The following VEPH1 variants were observed in gnomAD, a reference collection of about 807,000 sequenced individuals.
VEPH1 encodes ventricular zone expressed PH domain containing 1.
In VEPH1, 80 loss-of-function variants were observed where a neutral mutation model predicts 85.2. The ratio of observed to expected loss-of-function variants is 0.94; its 90% CI spans 0.78 to 1.13. VEPH1 has a LOEUF of 1.13. VEPH1 is among the 50% of genes most tolerant of loss of function. The probability of loss-of-function intolerance (pLI) is 0.00; values close to 1 mark genes in which losing one functional copy is unlikely to be tolerated. For synonymous variants in VEPH1, 297 were observed against 348.0 expected, an observed-to-expected ratio of 0.85 and a Z score of 1.63; for missense variants, 955 against 980.5, an observed-to-expected ratio of 0.97 and a Z score of 0.35.
intron 11 of VEPH1, among the ~76,000 whole-genome samples, chr3:157,298,658 T>C (rs1292784859): frequency 6.6e-6 from 1 of 152,140 alleles, no homozygotes; most frequent in Non-Finnish European, 1.5e-5. Flanking sequence ...GGCTACAAAG[T>C]AGACTGTCTG....
intron 11 of VEPH1, among the ~76,000 whole-genome samples, chr3:157,290,049 C>G (rs376057093): frequency 2.0e-5 from 1 of 49,690 alleles, no homozygotes; most frequent in African/African-American, 4.8e-5. Context: ...CACACACACA[C>G]ACACACACAC....
chr3:157,435,848 G>C (rs1338745602), intron 4 of VEPH1, among the ~76,000 whole-genome samples: 5 of 152,094 alleles, frequency 3.3e-5, no homozygotes, highest in African/African-American at 1.2e-4. Context: ...TCCTTGCCTC[G>C]AAACCTTGTA....
chr3:157,407,503 T>C (rs1431107563), intron 6 of VEPH1, among the ~76,000 whole-genome samples: 2 of 152,214 alleles, frequency 1.3e-5, no homozygotes, highest in Admixed American at 1.3e-4. Context: ...AAAATTTACA[T>C]ACACCAGTTA....
In VEPH1 at chr3:157,273,241, T is replaced by TAGAAGAA. The variant is rs1227740245; in HGVS notation, c.2129-7580_2129-7579insTTCTTCT. ...CTCCCATTCTTCTATTCAAAATGCC[T>TAGAAGAA]TTATGGTTACCATGCACTAGGCACA... On this transcript the variant is annotated intron_variant, in intron 12 of 13. Coordinates refer to ENST00000362010, the MANE Select transcript of VEPH1 (RefSeq NM_001167912.2). Among the ~76,000 whole-genome samples, 4 of 152,342 alleles carry TAGAAGAA rather than the reference T, an allele frequency of 2.6e-5. No individual in the cohort carries two copies. The East Asian group carries it at 7.7e-4, about 29-fold the overall frequency.
chr3:157,470,630 C>A, intron 2 of VEPH1, 101 bp from the exon 3 acceptor site: 1 of 1,140,788 alleles, frequency 8.8e-7, no homozygotes, highest in Non-Finnish European at 1.3e-6. Flanking sequence ...GTGCACCAGG[C>A]TGTGTGCTAA....
chr3:157,462,401 A>G (rs758960484), intron 3 of VEPH1, among the ~76,000 whole-genome samples: 5 of 151,072 alleles, frequency 3.3e-5, no homozygotes, highest in Non-Finnish European at 7.4e-5. Context: ...GTATGCATGC[A>G]TTTTATAAAC....
intron 9 of VEPH1, among the ~76,000 whole-genome samples, chr3:157,324,081 A>G (rs956377330): frequency 1.3e-5 from 2 of 152,144 alleles, no homozygotes; most frequent in Non-Finnish European, 2.9e-5. Context: ...TTGAGACAGA[A>G]TCTCACTCTG....
At chr3:157,345,611 A>T (rs1559978059) in intron 9 of VEPH1, among the ~76,000 whole-genome samples, 1 of 152,236 alleles carries the variant, frequency 6.6e-6, no homozygotes, top group Non-Finnish European at 1.5e-5. Flanking sequence ...CCATTGTGGA[A>T]GTCAGTGTGG....
At chr3:157,357,600 C>T (rs1037957524) in intron 9 of VEPH1, among the ~76,000 whole-genome samples, 21 of 151,898 alleles carry the variant, frequency 1.4e-4, no homozygotes, top group African/African-American at 4.6e-4. Flanking sequence ...TCAAGCGATT[C>T]TCCTGCCTCA....
intron 4 of VEPH1, 72 bp downstream of exon 4, chr3:157,460,109 C>G (rs1230341779): frequency 6.2e-7 from 1 of 1,613,334 alleles, no homozygotes; most frequent in Non-Finnish European, 8.5e-7. Flanking sequence ...TCCCACAAAC[C>G]ATAAATGCTT....
chr3:157,488,149 A>G (rs7639175), intron 2 of VEPH1, among the ~76,000 whole-genome samples: 42,965 of 151,996 alleles, frequency 0.28, 6,143 homozygotes, highest in South Asian at 0.35. Context: ...CATTTAAAAC[A>G]TATTTTTTTC....
chr3:157,274,080 C>G (rs1171933999), intron 12 of VEPH1, among the ~76,000 whole-genome samples: 7 of 152,188 alleles, frequency 4.6e-5, no homozygotes, highest in Non-Finnish European at 1.0e-4. Flanking sequence ...TTCCTACTCC[C>G]TAGAGTTATA....
At chr3:157,262,825 T>C (rs1713092977) in intron 13 of VEPH1, among the ~76,000 whole-genome samples, 2 of 152,222 alleles carry the variant, frequency 1.3e-5, no homozygotes, top group Admixed American at 1.3e-4. Flanking sequence ...AGGATAAAGT[T>C]TGAAGACATA....
Position 157,425,906 on chromosome 3 carries a change from G to A in VEPH1, c.696+2416C>T, listed in dbSNP as rs1165283867. 3.9e-5 allele frequency among the ~76,000 whole-genome samples: 6 copies of A among 152,268 alleles called. No homozygotes were observed. In the East Asian group the frequency reaches 5.8e-4, roughly 15 times the overall value. The stretch of plus-strand genomic sequence containing the variant: ...AATGCCCAAATGTTATGGGAGGGAC[G>A]CAGTGGGAGATAATTTGAATTATGA... On this transcript the variant is annotated intron_variant, in intron 5 of 13. Transcript: ENST00000362010.
At chr3:157,378,420 A>G (rs568259927) in intron 7 of VEPH1, among the ~76,000 whole-genome samples, 1 of 147,406 alleles carries the variant, frequency 6.8e-6, no homozygotes, top group East Asian at 2.0e-4. Flanking sequence ...AAACCTGGAG[A>G]CATTTTTGGT....
At chr3:157,337,667 C>T (rs1723096197) in intron 9 of VEPH1, among the ~76,000 whole-genome samples, 1 of 152,024 alleles carries the variant, frequency 6.6e-6, no homozygotes, top group African/African-American at 2.4e-5. Context: ...GGGAAAAATA[C>T]CTTCACTAGA....
intron 7 of VEPH1, among the ~76,000 whole-genome samples, chr3:157,369,187 A>AAAAC (rs1378514702): frequency 7.0e-6 from 1 of 142,070 alleles, no homozygotes; most frequent in African/African-American, 2.6e-5. Context: ...AATGAAAAAA[A>AAAAC]AAAAAAAAAA....
At chr3:157,473,067 C>A (rs1446029375) in intron 2 of VEPH1, among the ~76,000 whole-genome samples, 1 of 82,676 alleles carries the variant, frequency 1.2e-5, no homozygotes, top group Non-Finnish European at 2.1e-5. Context: ...TTAAATGAAC[C>A]TTTTTTTTTT....
Position 157,413,956 on chromosome 3 carries a change from T to C in VEPH1, c.831A>G (p.Lys277=). 1 of 1,613,702 alleles carries C rather than the reference T, an allele frequency of 6.2e-7. No homozygotes were observed. The highest frequency in any genetic ancestry group is 1.1e-5 in the South Asian group (1 of 91,062). ...GGTAGGGGAATCTCTCACCAATCTC[T>C]TTCAGCATTGGAAGAAAACTGTTCA... ...VALNSFLPML[K]EIGERFPYLT... The change falls in exon 6 of 14, where the codon AAA becomes AAG. Residue 277 remains lysine (K), a synonymous_variant. Coordinates refer to ENST00000362010, the MANE Select transcript of VEPH1 (RefSeq NM_001167912.2).
Sources: allele counts gnomAD v4.1 joint callset (sites outside exome capture counted in the v4.1 genomes callset), GRCh38; gene constraint gnomAD v4.1.1; transcripts MANE v1.5; gene names NCBI Gene and HGNC (gene_info 2026-07-23, HGNC 2026-07-21).